The following PKD1L1 variants were observed in gnomAD, a reference collection of about 807,000 sequenced individuals.
The protein encoded by PKD1L1 is polycystin 1 like 1, transient receptor potential channel interacting.
PKD1L1 carries 236 observed loss-of-function variants against 323.4 expected under a neutral mutation model. The observed-to-expected ratio is 0.73, with a 90% CI of 0.66 to 0.81. The LOEUF (loss-of-function observed/expected upper bound fraction) is 0.81. Ranked by LOEUF, PKD1L1 falls within the 40% of genes least tolerant of loss-of-function variation. PKD1L1 has a pLI of 0.00. For synonymous variants in PKD1L1, 1,344 were observed against 1,335.0 expected, an observed-to-expected ratio of 1.01 and a Z score of -0.15; for missense variants, 3,320 against 3,508.0, an observed-to-expected ratio of 0.95 and a Z score of 1.35.
chr7:47,943,762 C>T (rs1439512589), intron 1 of PKD1L1, among the ~76,000 whole-genome samples: 1 of 152,222 alleles, frequency 6.6e-6, no homozygotes, highest in Non-Finnish European at 1.5e-5. Flanking sequence ...AGCCTCCGAA[C>T]AGATCCATCT....
Position 47,822,248 on chromosome 7 carries a change from C to T in PKD1L1, c.6855-1062G>A, listed in dbSNP as rs79192590. On this transcript the variant is annotated intron_variant, in intron 45 of 56. Transcript: ENST00000289672. ...TGTTTAGGCTATTCTAGTTCCTTTG[C>T]TTTCCATATAAATTTTAGAATCAGT... Among the ~76,000 whole-genome samples, 686 of 152,230 alleles carry T rather than the reference C, an allele frequency of 4.5e-3. 7 individuals are homozygous for T. The highest frequency in any genetic ancestry group is 0.015 in the African/African-American group (640 of 41,554).
In PKD1L1 at chr7:47,902,530, C is replaced by G. The variant is rs373777013; in HGVS notation, c.1932-19G>C. 6.2e-7 allele frequency: 1 copy of G among 1,611,124 alleles called. No homozygotes were observed. On this transcript the variant is annotated intron_variant, in intron 12 of 56. Transcript: ENST00000289672. ...TCCTTCCCTGGGACGGTGGAAAGCA[C>G]AGAAATGAACAAATTTATGTTGATG...
chr7:47,957,296 T>C, the PKD1L1 span: 2 of 153,780 alleles, frequency 1.3e-5, no homozygotes, highest in Admixed American at 6.5e-5. Context: ...CTCTAGTTCA[T>C]TGAACATTTA....
intron 3 of PKD1L1, 56 bp from the exon 4 acceptor site, chr7:47,937,014 A>G (rs550562557): frequency 7.3e-7 from 1 of 1,370,594 alleles, no homozygotes; most frequent in East Asian, 2.3e-5. Flanking sequence ...AACCCAGTAC[A>G]TTTGGGAAAG....
intron 1 of PKD1L1, among the ~76,000 whole-genome samples, chr7:47,944,386 C>T (rs1788056309): frequency 6.6e-6 from 1 of 152,242 alleles, no homozygotes; most frequent in South Asian, 2.1e-4. Context: ...GCTTCCTGTA[C>T]TGGCTGCAGA....
intron 19 of PKD1L1, 145 bp from the exon 20 acceptor site, chr7:47,882,230 C>T: frequency 5.8e-6 from 5 of 865,834 alleles, no homozygotes; most frequent in Non-Finnish European, 8.9e-6. Context: ...AGCAGCCAAA[C>T]ATATTCAAGA....
intron 28 of PKD1L1, 50 bp downstream of exon 28, chr7:47,857,555 G>A (rs753967061): frequency 7.2e-6 from 11 of 1,518,702 alleles, no homozygotes; most frequent in South Asian, 7.0e-5. Context: ...CCCAATTACT[G>A]CAAATTTGAA....
intron 24 of PKD1L1, among the ~76,000 whole-genome samples, chr7:47,866,907 G>C (rs963741833): frequency 6.6e-6 from 1 of 152,186 alleles, no homozygotes; most frequent in Non-Finnish European, 1.5e-5. Flanking sequence ...TCCAGAGCCA[G>C]ACAGAGATAC....
intron 3 of PKD1L1, 150 bp downstream of exon 3, chr7:47,940,043 T>C: frequency 9.4e-7 from 1 of 1,063,060 alleles, no homozygotes; most frequent in Non-Finnish European, 1.4e-6. Context: ...TAAGGCTTTA[T>C]AAGTCACACT....
chr7:47,819,965 T>C (rs963948265), intron 46 of PKD1L1: 2 of 216,048 alleles, frequency 9.3e-6, no homozygotes, highest in African/African-American at 4.8e-5. Flanking sequence ...TAAATGTGTC[T>C]TTAAATATTC....
At chr7:47,794,606 C>A (rs929982393) in intron 55 of PKD1L1, among the ~76,000 whole-genome samples, 1 of 152,108 alleles carries the variant, frequency 6.6e-6, no homozygotes, top group Non-Finnish European at 1.5e-5. Context: ...GTGGAAGGGA[C>A]CTAGTGGAGC....
Position 47,893,099 on chromosome 7 carries a change from G to A in PKD1L1, c.2453+779C>T, listed in dbSNP as rs182926406. ...ACAAAAAATAGCCAGGCATGGTGGCGCGCATCTGTAGTCTCAGCTACTCAG... is the reference window on the plus strand; with the variant it reads ...ACAAAAAATAGCCAGGCATGGTGGCACGCATCTGTAGTCTCAGCTACTCAG... On this transcript the variant is annotated intron_variant, in intron 15 of 56. Coordinates refer to ENST00000289672, the MANE Select transcript of PKD1L1 (RefSeq NM_138295.5). 2.8e-3 allele frequency among the ~76,000 whole-genome samples: 418 copies of A among 151,906 alleles called. 5 individuals are homozygous for A. The highest frequency in any genetic ancestry group is 9.3e-3 in the African/African-American group (387 of 41,440).
chr7:47,782,064 T>C (rs1786710561), intron 56 of PKD1L1, among the ~76,000 whole-genome samples: 1 of 152,164 alleles, frequency 6.6e-6, no homozygotes. Context: ...GACCACATGG[T>C]GTTGATTGCT....
upstream of PKD1L1, among the ~76,000 whole-genome samples, chr7:47,953,335 T>A (rs563777270): frequency 6.6e-6 from 1 of 152,284 alleles, no homozygotes; most frequent in South Asian, 2.1e-4. Context: ...CCACCTTGTT[T>A]CCATCAAGGT....
At chr7:47,913,427 G>C (rs1422608479) in intron 8 of PKD1L1, among the ~76,000 whole-genome samples, 1 of 152,182 alleles carries the variant, frequency 6.6e-6, no homozygotes, top group Non-Finnish European at 1.5e-5. Flanking sequence ...GCATTCCCCA[G>C]TATTGAAGGT....
chr7:47,833,285 C>G lies in PKD1L1; in HGVS notation c.6175-33G>C, dbSNP rs755052355. The G allele has an allele frequency of 3.1e-6, 5 of 1,602,538 alleles. No homozygotes were observed. In the African/African-American group the frequency reaches 5.4e-5, roughly 17 times the overall value. ...GACAAGGTCATGCCAAGGTTAATAT[C>G]TCCACAGACAGGGCTTCACACGTGA... On this transcript the variant is annotated intron_variant, in intron 40 of 56. Transcript: ENST00000289672.
intron 7 of PKD1L1, among the ~76,000 whole-genome samples, chr7:47,918,469 C>CAAA (rs373291606): frequency 8.0e-5 from 11 of 138,018 alleles, no homozygotes; most frequent in African/African-American, 3.2e-4. Context: ...AGAAAGTCAA[C>CAAA]AACAAAAAAA....
Position 47,827,497 on chromosome 7 carries a change from C to T in PKD1L1, c.6736-29G>A, listed in dbSNP as rs143684319. 5.5e-5 allele frequency: 87 copies of T among 1,573,848 alleles called. 1 individual carries two copies. In the African/African-American group the frequency reaches 7.1e-4, roughly 13 times the overall value. On this transcript the variant is annotated intron_variant, in intron 44 of 56. Transcript: ENST00000289672. The stretch of plus-strand genomic sequence containing the variant: ...TCAGGGACAAGAGTGCTGTGAGCTG[C>T]GGGCTGGTGGGTGGAAGGAGAGAGG...
At chr7:47,782,303 C>T (rs1786716114) in intron 56 of PKD1L1, among the ~76,000 whole-genome samples, 1 of 152,108 alleles carries the variant, frequency 6.6e-6, no homozygotes, top group South Asian at 2.1e-4. Context: ...TTACTCCTGC[C>T]TGGCAACAGG....
Sources: allele counts gnomAD v4.1 joint callset (sites outside exome capture counted in the v4.1 genomes callset), GRCh38; gene constraint gnomAD v4.1.1; transcripts MANE v1.5; gene names NCBI Gene and HGNC (gene_info 2026-07-23, HGNC 2026-07-21).